DNAJB4: variants seen among roughly 807,000 people sequenced by gnomAD.
DNAJB4 encodes the protein dnaJ homolog subfamily B member 4.
A neutral mutation model predicts 26.6 loss-of-function variants in DNAJB4; 10 were observed. That is an observed-to-expected ratio of 0.38 (90% CI 0.23 to 0.64). DNAJB4 has a LOEUF of 0.64. DNAJB4 is among the 30% of genes least tolerant of loss of function. The probability of loss-of-function intolerance (pLI) is 0.58; values close to 1 mark genes in which losing one functional copy is unlikely to be tolerated. For missense variants in DNAJB4, 328 were observed against 408.2 expected (o/e 0.80, Z 1.69); for synonymous variants, 136 against 134.8 (o/e 1.01, Z -0.06).
chr1:77,990,391 A>T (rs1046792928), intron 1 of DNAJB4, among the ~76,000 whole-genome samples: 2 of 152,242 alleles, frequency 1.3e-5, no homozygotes, highest in Non-Finnish European at 2.9e-5. Flanking sequence ...TCTAAGCTCC[A>T]GTTCAGAATA....
At chr1:78,012,154 CTTTTCTTTTTTTTTT>C (rs1185090038) in intron 1 of DNAJB4, among the ~76,000 whole-genome samples, 2 of 69,342 alleles carry the variant, frequency 2.9e-5, no homozygotes, top group Non-Finnish European at 5.3e-5. Flanking sequence ...TTTTTCTTTT[CTTTTCTTTTTTTTTT>C]TTTTTTTTTT....
At chr1:77,988,698 A>AC (rs1659858535) in intron 1 of DNAJB4, among the ~76,000 whole-genome samples, 1 of 152,024 alleles carries the variant, frequency 6.6e-6, no homozygotes. Context: ...ATTTCTGGCT[A>AC]CCCTATCTAA....
intron 1 of DNAJB4, among the ~76,000 whole-genome samples, chr1:77,983,804 A>G (rs913202124): frequency 6.6e-6 from 1 of 152,208 alleles, no homozygotes; most frequent in African/African-American, 2.4e-5. Context: ...ACACAGACAC[A>G]GTAACAATCT....
At chr1:77,992,205 A>C (rs1659946206) in intron 1 of DNAJB4, among the ~76,000 whole-genome samples, 1 of 151,816 alleles carries the variant, frequency 6.6e-6, no homozygotes, top group South Asian at 2.1e-4. Context: ...CGAGGTCAGG[A>C]GATCGAGACC....
upstream of DNAJB4, among the ~76,000 whole-genome samples, chr1:78,001,345 GAAAA>G (rs10707731): frequency 7.0e-6 from 1 of 143,198 alleles, no homozygotes; most frequent in Non-Finnish European, 1.6e-5. Context: ...TCTCAAAAAA[GAAAA>G]AAAAAAAAAA....
intron 1 of DNAJB4, among the ~76,000 whole-genome samples, chr1:77,996,231 G>A (rs1484632963): frequency 6.6e-6 from 1 of 151,742 alleles, no homozygotes; most frequent in African/African-American, 2.4e-5. Context: ...CGGCTCACCT[G>A]CAGCCTTGAC....
intron 1 of DNAJB4, among the ~76,000 whole-genome samples, chr1:77,981,601 C>T (rs1008791304): frequency 3.3e-5 from 5 of 152,156 alleles, no homozygotes; most frequent in African/African-American, 1.2e-4. Context: ...CATGAGCCAC[C>T]GCGCCCAGCC....
At chr1:78,013,774 CTT>C (rs370394334) in intron 2 of DNAJB4, among the ~76,000 whole-genome samples, 155 bp downstream of exon 2, 79 of 152,146 alleles carry the variant, frequency 5.2e-4, no homozygotes, top group African/African-American at 1.9e-3. Flanking sequence ...TATTATACCT[CTT>C]TTATGGATGT....
chr1:77,986,918 G>A (rs1440159377), intron 1 of DNAJB4, among the ~76,000 whole-genome samples: 1 of 151,902 alleles, frequency 6.6e-6, no homozygotes, highest in Non-Finnish European at 1.5e-5. Flanking sequence ...CCTAATGATT[G>A]CATAATGGTT....
At chr1:78,012,856 AAACTT>A (rs1359894798) in intron 1 of DNAJB4, among the ~76,000 whole-genome samples, 190 bp from the exon 2 acceptor site, 3 of 152,196 alleles carry the variant, frequency 2.0e-5, no homozygotes, top group Non-Finnish European at 2.9e-5. Flanking sequence ...AAGAATTTGA[AAACTT>A]AACAATTTAA....
intron 1 of DNAJB4, among the ~76,000 whole-genome samples, chr1:77,985,191 G>A (rs1659763118): frequency 6.6e-6 from 1 of 152,172 alleles, no homozygotes; most frequent in South Asian, 2.1e-4. Flanking sequence ...AAGGATCTTT[G>A]CCAGTGAAAT....
intron 1 of DNAJB4, among the ~76,000 whole-genome samples, chr1:77,982,503 C>T (rs1054338724): frequency 3.3e-5 from 5 of 152,226 alleles, no homozygotes; most frequent in East Asian, 1.9e-4. Flanking sequence ...TGGTTACCCA[C>T]ATTGGCTACA....
At position 78,017,344 on chromosome 1, in the gene DNAJB4, A is replaced by G. The variant is rs544550785; in HGVS notation, c.*1097A>G. 4 of 152,066 alleles carry G rather than the reference A, an allele frequency of 2.6e-5. No individual in the cohort carries two copies. The highest frequency in any genetic ancestry group is 6.5e-5 in the Admixed American group (1 of 15,268). The allele number at this position is 152,066 out of a possible 1,614,324, so 9.4% of individuals were successfully genotyped here. ...GTTTTGTTTTCTGTTTTATAACTAT[A>G]GTGAGAATGATGTTTTGAAGCAAAA... On this transcript the variant is annotated 3_prime_UTR_variant, in exon 3 of 3. Transcript: ENST00000370763.
At chr1:77,986,269 T>G (rs1302679867) in intron 1 of DNAJB4, among the ~76,000 whole-genome samples, 1 of 152,188 alleles carries the variant, frequency 6.6e-6, no homozygotes, top group Admixed American at 6.5e-5. Flanking sequence ...ATGTGTGCCA[T>G]GTAGTAAATA....
intron 2 of DNAJB4, 68 bp from the exon 3 acceptor site, chr1:78,015,945 TG>T (rs1304757475): frequency 4.9e-5 from 63 of 1,283,864 alleles, no homozygotes; most frequent in Non-Finnish European, 6.7e-5. Context: ...CTTTACCATC[TG>T]GTAAAATTTG....
In DNAJB4 at chr1:77,992,142, G is replaced by A. The variant is rs185369676; in HGVS notation, c.-32+11820G>A. ...GAACATAACAAATGAGGCCGGGCGC[G>A]GTGGCTCACGCCTGTAATCCCAGCA... On this transcript the variant is annotated intron_variant, in intron 1 of 2. Transcript: ENST00000426517. Among the ~76,000 whole-genome samples, 355 of 152,086 alleles carry A rather than the reference G, an allele frequency of 2.3e-3. 1 individual carries two copies. Among genetic ancestry groups the A allele is most frequent in the African/African-American group, 7.9e-3 (329 of 41,510 alleles).
chr1:78,005,215 G>T lies in DNAJB4; in HGVS notation c.105G>T (p.Lys35Asn), dbSNP rs771194087. 1.2e-6 allele frequency: 2 copies of T among 1,614,074 alleles called. No homozygotes were observed. The highest frequency in any genetic ancestry group is 1.7e-6 in the Non-Finnish European group (2 of 1,179,974). Reference protein sequence around the residue: ...RKQALKFHPDKNKSPQAEEKF... With the variant: ...RKQALKFHPDNNKSPQAEEKF... Reference sequence around the variant, plus strand: ...AAGCCCTCAAATTTCATCCGGACAAGAACAAATCTCCTCAGGCAGAGGAAA... The same window carrying T: ...AAGCCCTCAAATTTCATCCGGACAATAACAAATCTCCTCAGGCAGAGGAAA... Residue 35 changes from lysine (K) to asparagine (N), a missense_variant, in exon 1 of 3, where the codon AAG (lysine) becomes AAT (asparagine). Physicochemically the swap from Lys to Asn is moderately conservative, Grantham distance 94 (BLOSUM62 0). Coordinates refer to ENST00000370763, the MANE Select transcript of DNAJB4 (RefSeq NM_007034.5).
At chr1:78,012,066 A>T (rs1045968565) in intron 1 of DNAJB4, among the ~76,000 whole-genome samples, 11 of 148,182 alleles carry the variant, frequency 7.4e-5, no homozygotes, top group Non-Finnish European at 1.2e-4. Context: ...TTATATATTT[A>T]TAAGTAGATA....
At chr1:77,986,407 G>A (rs1418409205) in intron 1 of DNAJB4, among the ~76,000 whole-genome samples, 1 of 152,158 alleles carries the variant, frequency 6.6e-6, no homozygotes, top group Non-Finnish European at 1.5e-5. Context: ...TCCTCAAGAT[G>A]ACCTCTTGTC....
Sources: allele counts gnomAD v4.1 joint callset (sites outside exome capture counted in the v4.1 genomes callset), GRCh38; gene constraint gnomAD v4.1.1; transcripts MANE v1.5; gene names NCBI Gene and HGNC (gene_info 2026-07-23, HGNC 2026-07-21).